PCDHGB3: variants seen among roughly 807,000 people sequenced by gnomAD.
PCDHGB3 encodes protocadherin gamma-B3.
Under a neutral mutation model 59.2 loss-of-function variants are expected in PCDHGB3, and 40 were observed. The ratio of observed to expected loss-of-function variants is 0.68; its 90% confidence interval spans 0.52 to 0.88. The LOEUF (loss-of-function observed/expected upper bound fraction) is 0.88. PCDHGB3 is among the 40% of genes least tolerant of loss of function. The pLI is 0.00. For synonymous variants in PCDHGB3, 581 were observed against 503.6 expected, an observed-to-expected ratio of 1.15 and a Z score of -2.06; for missense variants, 1,309 against 1,187.9, an observed-to-expected ratio of 1.10 and a Z score of -1.50.
intron 1 of PCDHGB3, chr5:141,389,914 C>T (rs754458764): frequency 6.2e-7 from 1 of 1,613,956 alleles, no homozygotes; most frequent in South Asian, 1.1e-5. Flanking sequence ...ACTGACCGCC[C>T]CGACCCCTCT....
chr5:141,456,263 T>C (rs2098847567), intron 1 of PCDHGB3, among the ~76,000 whole-genome samples: 2 of 152,292 alleles, frequency 1.3e-5, no homozygotes, highest in South Asian at 2.1e-4. Flanking sequence ...CCATTGCTTC[T>C]GGCTACTTCC....
chr5:141,409,734 G>C (rs1278458472), intron 1 of PCDHGB3: 2 of 1,613,144 alleles, frequency 1.2e-6, no homozygotes, highest in Admixed American at 3.3e-5. Flanking sequence ...AGCGCGCAGA[G>C]CGGGGTGGTG....
In PCDHGB3 at chr5:141,371,190, GC is replaced by G; in HGVS notation, c.798del (p.Ile267LeufsTer22). On this transcript the variant is annotated frameshift_variant, in exon 1 of 4. Coordinates refer to ENST00000576222, the MANE Select transcript of PCDHGB3 (RefSeq NM_018924.5). LOFTEE classifies it high-confidence loss of function. ...TGGCTCCTCCGTATTAAAAGTGATG[GC>G]CATTGACATGGATGAGGGCATCAAT... ...PAGSSVLKVM[A>X]IDMDEGINAE... 1 of 1,613,982 alleles carries G rather than the reference GC, an allele frequency of 6.2e-7. No individual in the cohort carries two copies. The highest frequency in any genetic ancestry group is 8.5e-7 in the Non-Finnish European group (1 of 1,179,858).
At chr5:141,419,449 C>T (rs780917543) in intron 1 of PCDHGB3, 5 of 1,612,958 alleles carry the variant, frequency 3.1e-6, no homozygotes, top group Non-Finnish European at 4.2e-6. Context: ...CCTTCGAGCT[C>T]ACGCTGCAGG....
Position 141,485,152 on chromosome 5 carries a change from A to C in PCDHGB3, c.2416-9655A>C. ...CTTCATCCGCGTCTCAGGAGCAAGT[A>C]GAGAATTAGCGGGCGGCAGCAATGC... On this transcript the variant is annotated intron_variant, in intron 1 of 3. Coordinates refer to ENST00000576222, the MANE Select transcript of PCDHGB3 (RefSeq NM_018924.5). The surrounding 1 kb of genome is among the most constrained non-coding windows in gnomAD (Gnocchi z 5.7). 8.8e-6 allele frequency: 14 copies of C among 1,586,038 alleles called. No individual in the cohort carries two copies. The highest frequency in any genetic ancestry group is 1.0e-5 in the Non-Finnish European group (12 of 1,157,128).
intron 1 of PCDHGB3, chr5:141,388,620 G>A (rs2091421768): frequency 6.2e-7 from 1 of 1,613,912 alleles, no homozygotes; most frequent in East Asian, 2.2e-5. Flanking sequence ...CAGTCAAGAC[G>A]TATACAGGGT....
At position 141,476,456 on chromosome 5, in the gene PCDHGB3, A is replaced by C; in HGVS notation, c.2416-18351A>C. The C allele has an allele frequency of 6.2e-7, 1 of 1,614,058 alleles. No homozygotes were observed. Among genetic ancestry groups the C allele is most frequent in the Non-Finnish European group, 8.5e-7 (1 of 1,180,010 alleles). On this transcript the variant is annotated intron_variant, in intron 1 of 3. Transcript: ENST00000576222. The surrounding 1 kb of genome is among the most constrained non-coding windows in gnomAD (Gnocchi z 7.6). ...TGTAACTCTGGAGTTGGTAGTGGAGAACCCGCTGGAGCTGTTCAGCGTGGA... is the reference window on the plus strand; with the variant it reads ...TGTAACTCTGGAGTTGGTAGTGGAGCACCCGCTGGAGCTGTTCAGCGTGGA...
chr5:141,370,709 A>G lies in PCDHGB3; in HGVS notation c.315A>G (p.Glu105=), dbSNP rs759693672. Residue 105 remains glutamate (E), a synonymous_variant, in exon 1 of 4, where the codon GAA becomes GAG. Coordinates refer to ENST00000576222, the MANE Select transcript of PCDHGB3 (RefSeq NM_018924.5). ...GCAAGAAGTCGACGTGTGTTCTGGA[A>G]TTTGAAATGGTTGCTGAAAAGCCTT... ...ICGKKSTCVL[E]FEMVAEKPLN... 3 of 1,613,738 alleles carry G rather than the reference A, an allele frequency of 1.9e-6. No individual in the cohort carries two copies. The African/African-American group carries it at 4.0e-5, about 22-fold the overall frequency.
Position 141,400,379 on chromosome 5 carries a change from G to C in PCDHGB3, c.2415+27570G>C, listed in dbSNP as rs759135733. 3 of 1,613,922 alleles carry C rather than the reference G, an allele frequency of 1.9e-6. No homozygotes were observed. The East Asian group carries it at 6.7e-5, about 36-fold the overall frequency. ...ACTTTGCCTTATTCCTACAACCTAT[G>C]TGTTGCACATACAGGAAAGACGGAG... On this transcript the variant is annotated intron_variant, in intron 1 of 3. Coordinates refer to ENST00000576222, the MANE Select transcript of PCDHGB3 (RefSeq NM_018924.5).
rs1367772661 is a variant in PCDHGB3, at chr5:141,512,193, GGAAGCTC to G, written c.*1026_*1032del. 2.0e-5 allele frequency: 3 copies of G among 152,756 alleles called. No homozygotes were observed. Among genetic ancestry groups the G allele is most frequent in the Non-Finnish European group, 4.4e-5 (3 of 68,136 alleles). 9.5% of individuals were successfully genotyped at this position (152,756 alleles called of 1,614,324 possible). ...GGATTAAACTGGCATTTCAGTCCAAGGAAGCTCGAAGCAGGTTTAGGACCAGGTCCCC... is the reference window on the plus strand; with the variant it reads ...GGATTAAACTGGCATTTCAGTCCAAGGAAGCAGGTTTAGGACCAGGTCCCC... On this transcript the variant is annotated 3_prime_UTR_variant, in exon 4 of 4. Coordinates refer to ENST00000576222, the MANE Select transcript of PCDHGB3 (RefSeq NM_018924.5).
chr5:141,505,742 G>A (rs1024914690), intron 3 of PCDHGB3, among the ~76,000 whole-genome samples: 1 of 152,150 alleles, frequency 6.6e-6, no homozygotes, highest in Non-Finnish European at 1.5e-5. Flanking sequence ...TACAAGTCTA[G>A]CTCTGGAATG....
At chr5:141,451,180 T>C (rs1318435826) in intron 1 of PCDHGB3, among the ~76,000 whole-genome samples, 4 of 152,180 alleles carry the variant, frequency 2.6e-5, no homozygotes, top group Non-Finnish European at 4.4e-5. Flanking sequence ...ATTTAGCCAT[T>C]GCTGTGTAAC....
In PCDHGB3 at chr5:141,370,669, G is replaced by C. The variant is rs370792537; in HGVS notation, c.275G>C (p.Arg92Pro). The change falls in exon 1 of 4, where the codon CGA becomes CCA. Residue 92 changes from arginine (R) to proline (P), a missense_variant. By Grantham distance (103) the Arg-to-Pro change is moderately radical. Transcript: ENST00000576222. ...GNLLVSDRID[R>P]EEICGKKSTC... is the part of the protein sequence containing the mutation. ...TTACTTGTGAGCGACCGTATAGACC[G>C]AGAGGAGATTTGTGGCAAGAAGTCG... is the stretch of plus-strand genomic sequence containing the variant. The C allele has an allele frequency of 6.2e-7, 1 of 1,613,908 alleles. No individual in the cohort carries two copies. The highest frequency in any genetic ancestry group is 1.7e-5 in the Admixed American group (1 of 60,026).
intron 1 of PCDHGB3, among the ~76,000 whole-genome samples, chr5:141,457,015 A>T (rs1216403373): frequency 6.6e-6 from 1 of 152,182 alleles, no homozygotes; most frequent in Admixed American, 6.5e-5. Context: ...AATCCAATAA[A>T]AAGTCCTAGT....
rs768311217 is a variant in PCDHGB3 at position 141,382,969 on chromosome 5, T to C, written c.2415+10160T>C. On this transcript the variant is annotated intron_variant, in intron 1 of 3. Coordinates refer to ENST00000576222, the MANE Select transcript of PCDHGB3 (RefSeq NM_018924.5). Reference sequence around the variant, plus strand: ...GCTCTCCATCCTCCTGGGGACCCCCTGGGAAGCCTGGGCAGGACGTATTCT... The same window carrying C: ...GCTCTCCATCCTCCTGGGGACCCCCCGGGAAGCCTGGGCAGGACGTATTCT... The C allele has an allele frequency of 1.2e-5, 19 of 1,609,300 alleles. No homozygotes were observed. Among genetic ancestry groups the C allele is most frequent in the Non-Finnish European group, 1.6e-5 (19 of 1,176,708 alleles).
At chr5:141,425,214 A>G (rs999893857) in intron 1 of PCDHGB3, among the ~76,000 whole-genome samples, 2 of 152,178 alleles carry the variant, frequency 1.3e-5, no homozygotes, top group Non-Finnish European at 2.9e-5. Context: ...AAGGCATTGT[A>G]CTTTGACTGG....
At chr5:141,419,889 A>T in intron 1 of PCDHGB3, 1 of 1,614,084 alleles carries the variant, frequency 6.2e-7, no homozygotes, top group Middle Eastern at 1.6e-4. Flanking sequence ...GATTTCAGCG[A>T]CCATCCCACA....
chr5:141,410,849 C>CTTTTTTTTTTT lies in PCDHGB3; in HGVS notation c.2415+38052_2415+38062dup, dbSNP rs759346998. On this transcript the variant is annotated intron_variant, in intron 1 of 3. Coordinates refer to ENST00000576222, the MANE Select transcript of PCDHGB3 (RefSeq NM_018924.5). ...CAGACTGAAGATATTTTGTCTTTGT[C>CTTTTTTTTTTT]TTTTTTTTTTTTTTTTTTTTTTGAG... 217 of 138,154 alleles carry CTTTTTTTTTTT rather than the reference C, an allele frequency of 1.6e-3. 10 individuals carry two copies. The highest frequency in any genetic ancestry group is 4.0e-3 in the African/African-American group (66 of 16,622). The allele number at this position is 138,154 out of a possible 1,614,324, so 8.6% of individuals were successfully genotyped here.
chr5:141,422,691 C>A, intron 1 of PCDHGB3: 1 of 1,603,878 alleles, frequency 6.2e-7, no homozygotes, highest in Non-Finnish European at 8.5e-7. Flanking sequence ...ATGCCCTGGT[C>A]ACTTACTCTC....
Sources: allele counts gnomAD v4.1 joint callset (sites outside exome capture counted in the v4.1 genomes callset), GRCh38; gene constraint gnomAD v4.1.1; non-coding constraint Gnocchi (gnomAD v3.1); transcripts MANE v1.5; gene names NCBI Gene and HGNC (gene_info 2026-07-23, HGNC 2026-07-21).